Variants in ZNF492 observed in about 807,000 individuals in gnomAD.
ZNF492 encodes the protein zinc finger protein 492.
A neutral mutation model predicts 6.4 loss-of-function variants in ZNF492; 3 were observed. The ratio of observed to expected loss-of-function variants is 0.47; its 90% CI spans 0.21 to 1.22. ZNF492 has a LOEUF of 1.22. Among genes scored for constraint, ZNF492 ranks in the 50% most tolerant of loss-of-function variants. The probability of loss-of-function intolerance (pLI) is 0.22; values close to 1 mark genes in which losing one functional copy is unlikely to be tolerated. For synonymous variants in ZNF492, 112 were observed against 205.3 expected, an observed-to-expected ratio of 0.55 and a Z score of 3.89; for missense variants, 356 against 612.5, an observed-to-expected ratio of 0.58 and a Z score of 4.42.
rs535340592 is a variant in ZNF492 at position 22,663,993 on chromosome 19, C to A, written c.324C>A (p.Thr108=). 6.2e-7 allele frequency: 1 copy of A among 1,611,536 alleles called. No homozygotes were observed. The highest frequency in any genetic ancestry group is 1.1e-5 in the South Asian group (1 of 90,860). Reference sequence around the variant, plus strand: ...GACTTAACCAGTGTTTGACGACTACCCAGAACAAAATATTTCAATGTGACA... The same window carrying A: ...GACTTAACCAGTGTTTGACGACTACACAGAACAAAATATTTCAATGTGACA... ...YNGLNQCLTT[T]QNKIFQCDKY... is the part of the protein sequence containing the mutation. The change falls in exon 4 of 4, where the codon ACC becomes ACA. Residue 108 remains threonine, a synonymous_variant. Transcript: ENST00000456783.
intron 3 of ZNF492, among the ~76,000 whole-genome samples, chr19:22,654,335 A>G (rs1194552750): frequency 6.6e-6 from 1 of 151,984 alleles, no homozygotes; most frequent in Non-Finnish European, 1.5e-5. Flanking sequence ...GATAATCTGC[A>G]TAATTTTGAG....
rs560860920 is a variant in ZNF492, at chr19:22,661,843, C to T, written c.131-1957C>T. Among the ~76,000 whole-genome samples, 5 of 152,230 alleles carry T rather than the reference C, an allele frequency of 3.3e-5. No individual in the cohort carries two copies. In the East Asian group the frequency reaches 9.7e-4, roughly 29 times the overall value. ...AACTCCTGACCTCAGCTGATCCTCC[C>T]ACCTTGGCCGCCAAAGTGCTAGGAT... On this transcript the variant is annotated intron_variant, in intron 3 of 3. Transcript: ENST00000456783.
At chr19:22,638,356 T>C (rs1971788739) in intron 1 of ZNF492, among the ~76,000 whole-genome samples, 2 of 152,206 alleles carry the variant, frequency 1.3e-5, no homozygotes, top group South Asian at 4.1e-4. Context: ...AAATTTTACA[T>C]TTAAATCTGT....
chr19:22,654,619 T>G (rs1438187957), intron 3 of ZNF492, among the ~76,000 whole-genome samples: 2 of 151,054 alleles, frequency 1.3e-5, no homozygotes, highest in African/African-American at 4.9e-5. Flanking sequence ...TTTTTTTTTT[T>G]GAGATAGAGT....
intron 1 of ZNF492, among the ~76,000 whole-genome samples, chr19:22,641,629 T>C (rs1971826082): frequency 6.6e-6 from 1 of 152,166 alleles, no homozygotes; most frequent in South Asian, 2.1e-4. Flanking sequence ...TAGTCAAGTG[T>C]TGAGTTTAGG....
intron 1 of ZNF492, among the ~76,000 whole-genome samples, chr19:22,635,175 A>T (rs557552718): frequency 1.3e-5 from 2 of 152,218 alleles, no homozygotes; most frequent in African/African-American, 2.4e-5. Flanking sequence ...AAAAAAAAAA[A>T]ATGCATTTGA....
In ZNF492 at chr19:22,653,916, A is replaced by G; in HGVS notation, c.35-4A>G. The G allele has an allele frequency of 1.3e-6, 2 of 1,579,020 alleles. No homozygotes were observed. Among genetic ancestry groups the G allele is most frequent in the South Asian group, 1.2e-5 (1 of 84,240 alleles). ...CAAGATTCATGTTATTTGTAATAAA[A>G]CAGGTATTGCTGCCTCTAAGCCAGA... On this transcript the variant is annotated splice_region_variant and splice_polypyrimidine_tract_variant and intron_variant, in intron 2 of 3. Transcript: ENST00000456783.
In ZNF492 at chr19:22,664,034, T is replaced by G. The variant is rs369615425; in HGVS notation, c.365T>G (p.Phe122Cys). The change falls in exon 4 of 4, where the codon TTT becomes TGT. Residue 122 changes from phenylalanine (F) to cysteine (C), a missense_variant. By Grantham distance (205) the Phe-to-Cys change is radical. Coordinates refer to ENST00000456783, the MANE Select transcript of ZNF492 (RefSeq NM_020855.3). ...CAATGTGACAAATATGTGAAAGTCTTTCATAAATTTTCAAATTCAAACAGA... is the reference window on the plus strand; with the variant it reads ...CAATGTGACAAATATGTGAAAGTCTGTCATAAATTTTCAAATTCAAACAGA... ...IFQCDKYVKV[F>C]HKFSNSNRHT... 76 of 1,605,270 alleles carry G rather than the reference T, an allele frequency of 4.7e-5. No individual in the cohort carries two copies. The highest frequency in any genetic ancestry group is 6.0e-5 in the Non-Finnish European group (70 of 1,175,676).
chr19:22,642,384 CTTT>C (rs869202400), intron 1 of ZNF492, among the ~76,000 whole-genome samples: 1 of 85,492 alleles, frequency 1.2e-5, no homozygotes, highest in Non-Finnish European at 2.1e-5. Context: ...AACCTTTTGT[CTTT>C]TTTTTTTTTT....
At chr19:22,644,849 T>C (rs1166493234) in intron 1 of ZNF492, among the ~76,000 whole-genome samples, 1 of 152,168 alleles carries the variant, frequency 6.6e-6, no homozygotes, top group Non-Finnish European at 1.5e-5. Context: ...TCACCAACAG[T>C]GTAAAAGCAT....
At chr19:22,647,238 TTTTG>T (rs916818149) in intron 1 of ZNF492, among the ~76,000 whole-genome samples, 2 of 149,558 alleles carry the variant, frequency 1.3e-5, no homozygotes, top group Admixed American at 6.7e-5. Context: ...GCCAGTTTTT[TTTTG>T]TTTGTTTGTT....
intron 1 of ZNF492, among the ~76,000 whole-genome samples, chr19:22,646,357 CA>C (rs1329686177): frequency 1.3e-5 from 2 of 152,132 alleles, no homozygotes; most frequent in African/African-American, 4.8e-5. Flanking sequence ...GATTTTTGCA[CA>C]TTCATTTTGT....
At chr19:22,663,719 T>C (rs1444497483) in intron 3 of ZNF492, 81 bp from the exon 4 acceptor site, 2 of 1,318,028 alleles carry the variant, frequency 1.5e-6, no homozygotes, top group Non-Finnish European at 2.0e-6. Flanking sequence ...ATGTAGTTTG[T>C]ATAATTTTAT....
At chr19:22,651,847 A>T (rs1222713829) in intron 1 of ZNF492, among the ~76,000 whole-genome samples, 2 of 151,838 alleles carry the variant, frequency 1.3e-5, no homozygotes, top group Non-Finnish European at 2.9e-5. Flanking sequence ...GAAAGTTTAA[A>T]AATAATAATA....
At chr19:22,660,412 C>T (rs1972046944) in intron 3 of ZNF492, among the ~76,000 whole-genome samples, 1 of 150,500 alleles carries the variant, frequency 6.6e-6, no homozygotes, top group Admixed American at 6.6e-5. Flanking sequence ...TATATTTGTA[C>T]AGATTTTTTT....
chr19:22,646,899 T>C (rs1345512676), intron 1 of ZNF492, among the ~76,000 whole-genome samples: 1 of 152,166 alleles, frequency 6.6e-6, no homozygotes, highest in Non-Finnish European at 1.5e-5. Flanking sequence ...TTTTTGTTTT[T>C]GTTTTTGCTT....
At chr19:22,644,154 G>A (rs1169748872) in intron 1 of ZNF492, among the ~76,000 whole-genome samples, 3 of 108,944 alleles carry the variant, frequency 2.8e-5, no homozygotes, top group African/African-American at 6.8e-5. Flanking sequence ...CTCAAGATGC[G>A]GTGTAATTTG....
At chr19:22,661,938 A>G (rs550712724) in intron 3 of ZNF492, among the ~76,000 whole-genome samples, 3 of 152,260 alleles carry the variant, frequency 2.0e-5, no homozygotes, top group East Asian at 1.9e-4. Flanking sequence ...TCCTGTCTGT[A>G]GTACCACAGT....
chr19:22,647,816 G>A (rs1424437816), intron 1 of ZNF492, among the ~76,000 whole-genome samples: 2 of 137,284 alleles, frequency 1.5e-5, no homozygotes, highest in Admixed American at 1.6e-4. Context: ...TGCAACCTCC[G>A]CCTCCTGGGT....
Sources: gnomAD v4.1 joint callset for allele counts (sites outside exome capture counted in the v4.1 genomes callset) on GRCh38, gnomAD v4.1.1 for gene constraint, MANE v1.5 for transcripts, NCBI Gene and HGNC (gene_info 2026-07-23, HGNC 2026-07-21) for gene names.